The following PDE4D variants were observed in gnomAD, a reference collection of about 807,000 sequenced individuals.
PDE4D encodes the protein phosphodiesterase 4D, also known as 3',5'-cyclic-AMP phosphodiesterase 4D.
PDE4D carries 24 observed loss-of-function variants against 87.4 expected under a neutral mutation model. The ratio of observed to expected loss-of-function variants is 0.27; its 90% CI spans 0.20 to 0.39. PDE4D has a LOEUF of 0.39. PDE4D is among the 10% of genes least tolerant of loss of function. The pLI is 1.00. For synonymous variants in PDE4D, 384 were observed against 383.2 expected (o/e 1.00, Z -0.02); for missense variants, 714 against 1,041.0 (o/e 0.69, Z 4.32).
chr5:59,746,845 A>G (rs2150702775), intron 1 of PDE4D, among the ~76,000 whole-genome samples: 2 of 151,648 alleles, frequency 1.3e-5, no homozygotes. Flanking sequence ...CTAGTGAAGT[A>G]GGAGTCTTTC....
intron 1 of PDE4D, among the ~76,000 whole-genome samples, chr5:60,372,148 T>G (rs540077356): frequency 0.049 from 7,420 of 151,998 alleles, 247 homozygotes; most frequent in Non-Finnish European, 0.07. Flanking sequence ...CAGTCTTTTT[T>G]ATTTTAGCCA....
intron 1 of PDE4D, among the ~76,000 whole-genome samples, chr5:59,871,859 C>T (rs1362943117): frequency 6.6e-6 from 1 of 152,182 alleles, no homozygotes; most frequent in East Asian, 1.9e-4. Context: ...TCACTGACTA[C>T]TTACTGCCCC....
chr5:59,584,801 C>A (rs1824819142), intron 1 of PDE4D, among the ~76,000 whole-genome samples: 1 of 152,100 alleles, frequency 6.6e-6, no homozygotes, highest in South Asian at 2.1e-4. Flanking sequence ...CTGGTAATTT[C>A]CCCTCCCAAG....
intron 1 of PDE4D, among the ~76,000 whole-genome samples, chr5:59,381,868 C>T (rs1032831107): frequency 2.0e-5 from 3 of 151,924 alleles, no homozygotes; most frequent in African/African-American, 7.3e-5. Context: ...TTCAAAGGTA[C>T]ATGTCAGCAA....
intron 1 of PDE4D, among the ~76,000 whole-genome samples, chr5:60,384,210 C>G (rs941486913): frequency 6.6e-6 from 1 of 152,148 alleles, no homozygotes; most frequent in African/African-American, 2.4e-5. Flanking sequence ...AAACTTGAAG[C>G]TTTCCAAGTA....
At chr5:59,053,645 G>GTTTTTTTTTTTT (rs1338731940) in intron 5 of PDE4D, among the ~76,000 whole-genome samples, 19 of 68,790 alleles carry the variant, frequency 2.8e-4, no homozygotes, top group East Asian at 2.5e-3. Flanking sequence ...TTTGTTTTTT[G>GTTTTTTTTTTTT]TTTTTTTTTG....
At chr5:59,346,542 T>A (rs1779627928) in intron 1 of PDE4D, among the ~76,000 whole-genome samples, 2 of 152,276 alleles carry the variant, frequency 1.3e-5, no homozygotes, top group East Asian at 3.9e-4. Context: ...TTCTTTCCCT[T>A]TCTTGGCATT....
At chr5:59,898,367 T>C (rs1751888344), upstream of PDE4D, among the ~76,000 whole-genome samples, 1 of 152,154 alleles carries the variant, frequency 6.6e-6, no homozygotes, top group South Asian at 2.1e-4. Flanking sequence ...GAGTTTTGTG[T>C]CTTGCAGAGG....
At chr5:59,982,152 T>C (rs1447790649) in intron 3 of PDE4D, among the ~76,000 whole-genome samples, 1 of 152,228 alleles carries the variant, frequency 6.6e-6, no homozygotes, top group African/African-American at 2.4e-5. Context: ...TTACATTCTT[T>C]TCATTTTCTT....
chr5:60,118,447 A>T (rs1778363676), intron 2 of PDE4D, among the ~76,000 whole-genome samples: 1 of 152,080 alleles, frequency 6.6e-6, no homozygotes, highest in Admixed American at 6.6e-5. Context: ...TGGGTTTTTA[A>T]GCTGATGGTT....
At chr5:59,072,204 A>G (rs1764963938) in intron 5 of PDE4D, among the ~76,000 whole-genome samples, 1 of 152,050 alleles carries the variant, frequency 6.6e-6, no homozygotes, top group Non-Finnish European at 1.5e-5. Context: ...ACCTTGCACC[A>G]TTATCTTTGG....
chr5:59,401,345 G>A (rs1284099316), intron 1 of PDE4D, among the ~76,000 whole-genome samples: 1 of 152,020 alleles, frequency 6.6e-6, no homozygotes, highest in Admixed American at 6.6e-5. Flanking sequence ...CCTGTAGATC[G>A]CTGGAGCCCA....
At chr5:60,444,946 A>G (rs1323446823) in intron 1 of PDE4D, among the ~76,000 whole-genome samples, 3 of 151,662 alleles carry the variant, frequency 2.0e-5, no homozygotes, top group Non-Finnish European at 4.4e-5. Flanking sequence ...AATGGTGTCT[A>G]CAAACACTCT....
At chr5:59,931,973 T>A (rs558412776) in intron 3 of PDE4D, among the ~76,000 whole-genome samples, 1 of 152,284 alleles carries the variant, frequency 6.6e-6, no homozygotes, top group African/African-American at 2.4e-5. Context: ...AGTGCTGGGA[T>A]TACAGGCCTG....
intron 6 of PDE4D, among the ~76,000 whole-genome samples, chr5:58,994,130 A>G (rs1748597717): frequency 6.6e-6 from 1 of 152,220 alleles, no homozygotes; most frequent in Non-Finnish European, 1.5e-5. Context: ...TTTTCAAGTA[A>G]GAGTATAACA....
chr5:60,329,450 A>T (rs1056853581), intron 1 of PDE4D, among the ~76,000 whole-genome samples: 1 of 152,100 alleles, frequency 6.6e-6, no homozygotes, highest in African/African-American at 2.4e-5. Flanking sequence ...GAGTCAATTA[A>T]ACCTCTTTCC....
intron 3 of PDE4D, among the ~76,000 whole-genome samples, chr5:59,933,670 TA>T (rs202041128): frequency 6.6e-6 from 1 of 152,176 alleles, no homozygotes; most frequent in East Asian, 1.9e-4. Flanking sequence ...CATGATAGAT[TA>T]AGGAATTGAA....
At chr5:59,491,521 T>C (rs1654654485) in intron 1 of PDE4D, among the ~76,000 whole-genome samples, 1 of 152,182 alleles carries the variant, frequency 6.6e-6, no homozygotes, top group Non-Finnish European at 1.5e-5. Context: ...ATTGAAAGCA[T>C]ATTTCATTTA....
At chr5:59,974,082 G>A (rs1448933944) in intron 3 of PDE4D, among the ~76,000 whole-genome samples, 1 of 152,082 alleles carries the variant, frequency 6.6e-6, no homozygotes, top group Non-Finnish European at 1.5e-5. Flanking sequence ...TTTCACTAAG[G>A]TCACAACAGT....
Sources: allele counts gnomAD v4.1 joint callset (sites outside exome capture counted in the v4.1 genomes callset), GRCh38; gene constraint gnomAD v4.1.1; transcripts MANE v1.5; gene names NCBI Gene and HGNC (gene_info 2026-07-23, HGNC 2026-07-21).